Variants in ADAMDEC1 observed in about 807,000 individuals in gnomAD.
ADAMDEC1 encodes ADAM DEC1.
Under a neutral mutation model 60.4 loss-of-function variants are expected in ADAMDEC1, and 62 were observed. The observed-to-expected ratio is 1.03, with a 90% confidence interval of 0.84 to 1.27. The LOEUF (loss-of-function observed/expected upper bound fraction) is 1.27. Ranked by LOEUF, ADAMDEC1 falls within the 50% of genes most tolerant of loss-of-function variation. The probability of loss-of-function intolerance (pLI) is 0.00; values close to 1 mark genes in which losing one functional copy is unlikely to be tolerated. For missense variants in ADAMDEC1, 595 were observed against 565.0 expected, an observed-to-expected ratio of 1.05 and a Z score of -0.54; for synonymous variants, 210 against 195.1, an observed-to-expected ratio of 1.08 and a Z score of -0.64.
intron 1 of ADAMDEC1, among the ~76,000 whole-genome samples, chr8:24,386,996 G>C (rs1817309295): frequency 6.6e-6 from 1 of 152,168 alleles, no homozygotes; most frequent in Non-Finnish European, 1.5e-5. Context: ...GGTATTTACT[G>C]GTCTCTAAAG....
Position 24,405,886 on chromosome 8 carries a change from A to G in ADAMDEC1, c.*588A>G, listed in dbSNP as rs1454514954. ...TTTATCATGTATATCCTATACACACATCTCCTTCATCATCATATATGAAGT... is the reference window on the plus strand; with the variant it reads ...TTTATCATGTATATCCTATACACACGTCTCCTTCATCATCATATATGAAGT... On this transcript the variant is annotated 3_prime_UTR_variant, in exon 14 of 14. Coordinates refer to ENST00000256412, the MANE Select transcript of ADAMDEC1 (RefSeq NM_014479.3). 6.6e-6 allele frequency: 1 copy of G among 152,172 alleles called. No homozygotes were observed. The highest frequency in any genetic ancestry group is 1.5e-5 in the Non-Finnish European group (1 of 68,036). The allele number at this position is 152,172 out of a possible 1,614,324, so 9.4% of individuals were successfully genotyped here.
chr8:24,389,479 TATCCTCCTAAATGAGCTCTCTG>T (rs1817382186), intron 1 of ADAMDEC1, among the ~76,000 whole-genome samples: 1 of 152,168 alleles, frequency 6.6e-6, no homozygotes, highest in Non-Finnish European at 1.5e-5. Context: ...ATTACTGCAA[TATCCTCCTAAATGAGCTCTCTG>T]ATTCTACACT....
chr8:24,396,452 C>A (rs897298238), intron 5 of ADAMDEC1, among the ~76,000 whole-genome samples: 4 of 152,090 alleles, frequency 2.6e-5, no homozygotes, highest in Non-Finnish European at 4.4e-5. Context: ...GCGGAGCTTG[C>A]AATGAGCCAA....
At chr8:24,398,843 A>T in intron 8 of ADAMDEC1, 31 bp from the exon 9 acceptor site, 11 of 1,605,036 alleles carry the variant, frequency 6.9e-6, no homozygotes, top group Non-Finnish European at 6.8e-6. Flanking sequence ...AATCCTGAAC[A>T]TTTTTATGAA....
Position 24,397,405 on chromosome 8 carries a change from T to C in ADAMDEC1, c.576T>C (p.Thr192=), listed in dbSNP as rs766289280. The stretch of plus-strand genomic sequence containing the variant: ...ACCACACATGTGGTGTGAAGAGCAC[T>C]GACGGGAAACAAGGCCCAATTCGAA... The part of the protein sequence containing the change: ...PANHTCGVKS[T]DGKQGPIRIS... Residue 192 remains threonine (T), a synonymous_variant, in exon 6 of 14, where the codon ACT becomes ACC. Coordinates refer to ENST00000256412, the MANE Select transcript of ADAMDEC1 (RefSeq NM_014479.3). 1 of 1,614,060 alleles carries C rather than the reference T, an allele frequency of 6.2e-7. No individual in the cohort carries two copies. The highest frequency in any genetic ancestry group is 1.3e-5 in the African/African-American group (1 of 75,056).
chr8:24,384,895 A>T (rs1038175454), intron 1 of ADAMDEC1, among the ~76,000 whole-genome samples: 5 of 152,152 alleles, frequency 3.3e-5, no homozygotes, highest in African/African-American at 4.8e-5. Flanking sequence ...AAATAGAGGA[A>T]AAAAAAGCTA....
At chr8:24,392,500 G>A in intron 2 of ADAMDEC1, 120 bp downstream of exon 2, 1 of 670,272 alleles carries the variant, frequency 1.5e-6, no homozygotes, top group Non-Finnish European at 2.5e-6. Flanking sequence ...TGAAGCCCAT[G>A]TATACAACTC....
chr8:24,399,077 G>A, intron 9 of ADAMDEC1, 37 bp downstream of exon 9: 2 of 1,586,334 alleles, frequency 1.3e-6, no homozygotes, highest in East Asian at 2.3e-5. Flanking sequence ...TAGGCAGAAT[G>A]GATAGCTATC....
intron 13 of ADAMDEC1, 127 bp downstream of exon 13, chr8:24,404,215 A>G (rs74490972): frequency 1.0e-5 from 8 of 777,808 alleles, no homozygotes; most frequent in Admixed American, 8.7e-5. Flanking sequence ...AAACGACTCA[A>G]TTTTGGAGAG....
chr8:24,400,136 A>G, intron 10 of ADAMDEC1, 34 bp from the exon 11 acceptor site: 1 of 1,474,164 alleles, frequency 6.8e-7, no homozygotes, highest in Non-Finnish European at 9.0e-7. Context: ...AATTAAATAA[A>G]AAAAGAATAA....
intron 4 of ADAMDEC1, 64 bp downstream of exon 4, chr8:24,394,211 T>C: frequency 7.7e-7 from 1 of 1,290,860 alleles, no homozygotes; most frequent in Non-Finnish European, 1.1e-6. Context: ...GTGCTAATGT[T>C]AACTAAGATC....
At chr8:24,403,016 A>T (rs998486295) in intron 12 of ADAMDEC1, among the ~76,000 whole-genome samples, 4 of 152,102 alleles carry the variant, frequency 2.6e-5, no homozygotes, top group African/African-American at 9.6e-5. Context: ...TCAAAACCCT[A>T]GGTACTTCTG....
rs1208014662 is a variant in ADAMDEC1 at position 24,397,721 on chromosome 8, C to G, written c.666C>G (p.Leu222=). The G allele has an allele frequency of 1.2e-6, 2 of 1,613,584 alleles. No homozygotes were observed. The highest frequency in any genetic ancestry group is 1.7e-6 in the Non-Finnish European group (2 of 1,179,724). ...DFLRAQKYID[L]YLVLDNAFYK... ...TTCGGGCACAGAAATACATTGATCT[C>G]TATTTGGTGCTGGATAATGCCTTTG... Residue 222 remains leucine (L), a synonymous_variant, in exon 7 of 14, where the codon CTC becomes CTG. Transcript: ENST00000256412.
intron 4 of ADAMDEC1, among the ~76,000 whole-genome samples, chr8:24,394,867 C>T (rs1431597568): frequency 1.3e-5 from 2 of 152,156 alleles, no homozygotes; most frequent in African/African-American, 2.4e-5. Flanking sequence ...TTAATTTATG[C>T]TCAATTGTTA....
rs1255421977 is a variant in ADAMDEC1, at chr8:24,393,328, CA to C, written c.280del (p.Thr94ProfsTer38). The C allele has an allele frequency of 1.9e-6, 3 of 1,598,330 alleles. No homozygotes were observed. The highest frequency in any genetic ancestry group is 1.1e-5 in the South Asian group (1 of 89,444). ...TGGAGAAGAAATCATTCTCTCCCTA[CA>C]AAAAACCAAGTAAGTTGTACCTCCT... ...LNGEEIILSL[Q>X]KTKHLLGPDY... On this transcript the variant is annotated frameshift_variant, in exon 3 of 14. Coordinates refer to ENST00000256412, the MANE Select transcript of ADAMDEC1 (RefSeq NM_014479.3). LOFTEE classifies it high-confidence loss of function.
chr8:24,405,414 C>A lies in ADAMDEC1; in HGVS notation c.*116C>A. 2 of 1,200,564 alleles carry A rather than the reference C, an allele frequency of 1.7e-6. No individual in the cohort carries two copies. The highest frequency in any genetic ancestry group is 2.4e-6 in the Non-Finnish European group (2 of 827,368). 74.4% of individuals were successfully genotyped at this position (1,200,564 alleles called of 1,614,324 possible). On this transcript the variant is annotated 3_prime_UTR_variant, in exon 14 of 14. Coordinates refer to ENST00000256412, the MANE Select transcript of ADAMDEC1 (RefSeq NM_014479.3). The stretch of plus-strand genomic sequence containing the variant: ...TAATGGTCTTTCACTTGTCATTCTA[C>A]TTTCTATATTGTTATCAGTCCAGGA...
chr8:24,401,864 A>T (rs1385696599), intron 11 of ADAMDEC1, 51 bp from the exon 12 acceptor site: 1 of 1,366,250 alleles, frequency 7.3e-7, no homozygotes, highest in East Asian at 2.3e-5. Flanking sequence ...TGTTTCACGC[A>T]GAAGGCACCA....
chr8:24,396,658 C>A (rs1256881856), intron 5 of ADAMDEC1, among the ~76,000 whole-genome samples: 8 of 152,050 alleles, frequency 5.3e-5, no homozygotes, highest in East Asian at 1.9e-4. Flanking sequence ...AAAAAAAAAA[C>A]CACATTGTTC....
rs1817238052 is a variant in ADAMDEC1 at position 24,384,352 on chromosome 8, T to C, written c.-153T>C. ...CTCTCAAAGATGAGGAACATTCTCA[T>C]GATGTTGACACTGCAATTTTTTGAC... On this transcript the variant is annotated 5_prime_UTR_variant, in exon 1 of 14. It removes an upstream start codon present in the reference 5' UTR. Coordinates refer to ENST00000256412, the MANE Select transcript of ADAMDEC1 (RefSeq NM_014479.3). 1.7e-6 allele frequency: 1 copy of C among 603,678 alleles called. No homozygotes were observed. The highest frequency in any genetic ancestry group is 2.9e-6 in the Non-Finnish European group (1 of 348,378). 37.4% of individuals were successfully genotyped at this position (603,678 alleles called of 1,614,324 possible).
Sources: allele counts gnomAD v4.1 joint callset (sites outside exome capture counted in the v4.1 genomes callset), GRCh38; gene constraint gnomAD v4.1.1; transcripts MANE v1.5; gene names NCBI Gene and HGNC (gene_info 2026-07-23, HGNC 2026-07-21).